Variants in CCDC85A observed in about 807,000 individuals in gnomAD.
CCDC85A encodes the protein coiled-coil domain containing 85A.
Under a neutral mutation model 50.2 loss-of-function variants are expected in CCDC85A, and 38 were observed. That is an observed-to-expected ratio of 0.76 (90% CI 0.58 to 0.99). The LOEUF (loss-of-function observed/expected upper bound fraction) is 0.99. Among genes scored for constraint, CCDC85A ranks in the 50% least tolerant of loss-of-function variants. The pLI is 0.00. For synonymous variants in CCDC85A, 366 were observed against 301.4 expected, an observed-to-expected ratio of 1.21 and a Z score of -2.22; for missense variants, 820 against 742.0, an observed-to-expected ratio of 1.11 and a Z score of -1.22.
chr2:56,329,430 TTAA>T (rs764670371), intron 2 of CCDC85A, among the ~76,000 whole-genome samples: 48 of 152,214 alleles, frequency 3.2e-4, no homozygotes, highest in Non-Finnish European at 6.2e-4. Context: ...TAGTTAGTAC[TTAA>T]TAAATATATG....
intron 5 of CCDC85A, chr2:56,383,765 C>T: frequency 5.1e-6 from 5 of 984,036 alleles, no homozygotes; most frequent in Non-Finnish European, 4.8e-6. Flanking sequence ...CCTTCATTTT[C>T]CTCAGCACAT....
At chr2:56,276,052 A>G (rs1670922187) in intron 2 of CCDC85A, among the ~76,000 whole-genome samples, 2 of 152,144 alleles carry the variant, frequency 1.3e-5, no homozygotes, top group Non-Finnish European at 2.9e-5. Context: ...TTCACAGTTA[A>G]TCAATTTACT....
At chr2:56,382,075 T>A (rs536488651) in intron 5 of CCDC85A, among the ~76,000 whole-genome samples, 3 of 152,126 alleles carry the variant, frequency 2.0e-5, no homozygotes, top group South Asian at 4.1e-4. Context: ...TTAAGCAATT[T>A]TATATATTTG....
At chr2:56,237,132 G>A (rs1251992685) in intron 2 of CCDC85A, among the ~76,000 whole-genome samples, 1 of 152,144 alleles carries the variant, frequency 6.6e-6, no homozygotes, top group African/African-American at 2.4e-5. Flanking sequence ...GATAGACTCA[G>A]AATCTGATGG....
At chr2:56,348,628 T>C (rs1558652908) in intron 3 of CCDC85A, among the ~76,000 whole-genome samples, 1 of 152,190 alleles carries the variant, frequency 6.6e-6, no homozygotes, top group Non-Finnish European at 1.5e-5. Context: ...TTGCCACAAG[T>C]GCTGAGAAGG....
At chr2:56,239,362 T>C (rs933112966) in intron 2 of CCDC85A, among the ~76,000 whole-genome samples, 1 of 152,122 alleles carries the variant, frequency 6.6e-6, no homozygotes, top group African/African-American at 2.4e-5. Context: ...GGTATGCTTA[T>C]GAAACCTGGC....
intron 2 of CCDC85A, among the ~76,000 whole-genome samples, chr2:56,278,818 C>T (rs1671076743): frequency 6.6e-6 from 1 of 152,152 alleles, no homozygotes; most frequent in South Asian, 2.1e-4. Context: ...AGTGAACAGC[C>T]CACCTCGGCC....
chr2:56,322,838 T>C (rs1051189213), intron 2 of CCDC85A, among the ~76,000 whole-genome samples: 1 of 152,192 alleles, frequency 6.6e-6, no homozygotes, highest in African/African-American at 2.4e-5. Flanking sequence ...TAAAGACATA[T>C]GCACATGTGT....
intron 5 of CCDC85A, among the ~76,000 whole-genome samples, chr2:56,377,172 G>A (rs1676375742): frequency 6.6e-6 from 1 of 152,188 alleles, no homozygotes; most frequent in African/African-American, 2.4e-5. Context: ...GTCTTTGTTG[G>A]AATAATTCAC....
At chr2:56,313,514 C>T (rs964728168) in intron 2 of CCDC85A, among the ~76,000 whole-genome samples, 5 of 152,158 alleles carry the variant, frequency 3.3e-5, no homozygotes, top group African/African-American at 4.8e-5. Flanking sequence ...GGGCTTCCCT[C>T]TCTTTTTCCA....
At position 56,226,946 on chromosome 2, in the gene CCDC85A, G is replaced by C. The variant is rs567525898; in HGVS notation, c.1240+33506G>C. On this transcript the variant is annotated intron_variant, in intron 2 of 5. Coordinates refer to ENST00000407595, the MANE Select transcript of CCDC85A (RefSeq NM_001080433.2). Reference sequence around the variant, plus strand: ...AATACTGAGAGGGGATGCATCCTGAGTAATTTCAATAGGCAAATTTTAGCA... The same window carrying C: ...AATACTGAGAGGGGATGCATCCTGACTAATTTCAATAGGCAAATTTTAGCA... Among the ~76,000 whole-genome samples, 58 of 152,232 alleles carry C rather than the reference G, an allele frequency of 3.8e-4. No individual in the cohort carries two copies. In the South Asian group the frequency reaches 0.011, roughly 29 times the overall value.
chr2:56,235,284 C>G (rs1213322613), intron 2 of CCDC85A: 2 of 152,144 alleles, frequency 1.3e-5, no homozygotes, highest in African/African-American at 4.8e-5. Context: ...GCTTAGCTTC[C>G]AAGATCAGAG....
chr2:56,272,644 A>C (rs907304441), intron 2 of CCDC85A, among the ~76,000 whole-genome samples: 1 of 152,080 alleles, frequency 6.6e-6, no homozygotes, highest in Non-Finnish European at 1.5e-5. Context: ...CAGAAGATTC[A>C]GTAAATCTAC....
intron 3 of CCDC85A, among the ~76,000 whole-genome samples, chr2:56,360,866 T>C (rs971063151): frequency 2.6e-5 from 4 of 152,186 alleles, no homozygotes; most frequent in East Asian, 1.9e-4. Context: ...AGGTTAACAT[T>C]TATTGTTGGT....
intron 3 of CCDC85A, among the ~76,000 whole-genome samples, chr2:56,370,459 A>G (rs1676015429): frequency 6.6e-6 from 1 of 152,122 alleles, no homozygotes; most frequent in South Asian, 2.1e-4. Flanking sequence ...CCTGGTTCTA[A>G]AAGAGTGCCT....
intron 2 of CCDC85A, among the ~76,000 whole-genome samples, chr2:56,226,895 A>T (rs1668565621): frequency 6.6e-6 from 1 of 152,086 alleles, no homozygotes; most frequent in African/African-American, 2.4e-5. Context: ...GTAACTGAGT[A>T]TTGGTGGCTT....
At chr2:56,193,539 C>CT in intron 2 of CCDC85A, 99 bp downstream of exon 2, 1 of 1,348,056 alleles carries the variant, frequency 7.4e-7, no homozygotes, top group East Asian at 2.5e-5. Context: ...AGTGCAGGCG[C>CT]TAGCTAGGGA....
chr2:56,272,594 T>C (rs1056417026), intron 2 of CCDC85A, among the ~76,000 whole-genome samples: 1 of 152,150 alleles, frequency 6.6e-6, no homozygotes, highest in African/African-American at 2.4e-5. Flanking sequence ...AGGGACATCA[T>C]ATATAGCAGA....
chr2:56,263,723 G>T (rs1214669193), intron 2 of CCDC85A, among the ~76,000 whole-genome samples: 1 of 152,220 alleles, frequency 6.6e-6, no homozygotes, highest in African/African-American at 2.4e-5. Context: ...CTTAGGAACT[G>T]CAAGTTGATT....
Sources: gnomAD v4.1 joint callset for allele counts (sites outside exome capture counted in the v4.1 genomes callset) on GRCh38, gnomAD v4.1.1 for gene constraint, MANE v1.5 for transcripts, NCBI Gene and HGNC (gene_info 2026-07-23, HGNC 2026-07-21) for gene names.